Variants in CIMIP5 observed in about 807,000 individuals in gnomAD.
The protein encoded by CIMIP5 is uncharacterized protein C2orf50.
At chr2:11,138,273 G>A in the CIMIP5 span, among the ~76,000 whole-genome samples, 5 of 152,306 alleles carry the variant, frequency 3.3e-5, no homozygotes, top group South Asian at 8.3e-4. Flanking sequence ...AAATAAAATT[G>A]GGAGGAAATG....
chr2:11,152,446 T>C, the CIMIP5 span, among the ~76,000 whole-genome samples: 8 of 152,180 alleles, frequency 5.3e-5, no homozygotes, highest in African/African-American at 1.7e-4. Context: ...CAAGATGGGG[T>C]CAGTTAGGTC....
the CIMIP5 span, among the ~76,000 whole-genome samples, chr2:11,152,385 T>C: frequency 6.6e-6 from 1 of 152,248 alleles, no homozygotes; most frequent in Non-Finnish European, 1.5e-5. Flanking sequence ...CTTCCCAAGG[T>C]TGGTTCAGCC....
At chr2:11,142,286 AAGAT>A in the CIMIP5 span, among the ~76,000 whole-genome samples, 273 of 148,938 alleles carry the variant, frequency 1.8e-3, 2 homozygotes, top group African/African-American at 6.6e-3. Flanking sequence ...AAAAAAAAAA[AAGAT>A]GGTCAAAGAA....
chr2:11,150,340 C>T, the CIMIP5 span, among the ~76,000 whole-genome samples: 3 of 149,790 alleles, frequency 2.0e-5, no homozygotes, highest in East Asian at 4.0e-4. Flanking sequence ...GATTTTTTTT[C>T]TTTTTTTTTT....
the CIMIP5 span, chr2:11,133,269 G>C: frequency 6.7e-7 from 1 of 1,503,504 alleles, no homozygotes; most frequent in Non-Finnish European, 8.8e-7. Flanking sequence ...TTTGAGCTGA[G>C]CTCAGGCACA....
chr2:11,149,795 G>C, the CIMIP5 span, among the ~76,000 whole-genome samples: 2 of 152,152 alleles, frequency 1.3e-5, no homozygotes, highest in African/African-American at 4.8e-5. Flanking sequence ...AAGTGATTCA[G>C]CCCGTGATCC....
At chr2:11,133,163 A>G in the CIMIP5 span, 34 of 719,424 alleles carry the variant, frequency 4.7e-5, no homozygotes, top group Admixed American at 7.8e-5. Context: ...CCCTGTCCCC[A>G]TCGGCCACTC....
At chr2:11,149,969 G>A in the CIMIP5 span, among the ~76,000 whole-genome samples, 1 of 152,070 alleles carries the variant, frequency 6.6e-6, no homozygotes, top group Non-Finnish European at 1.5e-5. Flanking sequence ...TTTTTGAGAC[G>A]GCGTCTCACC....
the CIMIP5 span, among the ~76,000 whole-genome samples, chr2:11,136,983 A>G: frequency 6.6e-6 from 1 of 152,244 alleles, no homozygotes; most frequent in African/African-American, 2.4e-5. Flanking sequence ...CAAGGCCTGG[A>G]AAGCCCAAAG....
chr2:11,147,905 G>A, the CIMIP5 span, among the ~76,000 whole-genome samples: 1,534 of 152,258 alleles, frequency 0.01, 18 homozygotes, highest in Non-Finnish European at 0.017. Context: ...CTTTCAGCTC[G>A]TTTGGGCCAG....
the CIMIP5 span, among the ~76,000 whole-genome samples, chr2:11,143,253 G>A: frequency 3.3e-5 from 5 of 152,100 alleles, no homozygotes; most frequent in African/African-American, 1.2e-4. Context: ...ATGAATGAAC[G>A]GCAGCCACAC....
chr2:11,143,862 A>T, the CIMIP5 span: 1 of 1,423,720 alleles, frequency 7.0e-7, no homozygotes, highest in South Asian at 1.6e-5. Context: ...GTTTTCTCCC[A>T]TTCTAAGGTC....
chr2:11,133,366 G>T, the CIMIP5 span: 3 of 1,610,118 alleles, frequency 1.9e-6, no homozygotes, highest in South Asian at 2.2e-5. Context: ...GGGCTCCAGA[G>T]AACCACATCA....
chr2:11,140,068 CAG>C, the CIMIP5 span, among the ~76,000 whole-genome samples: 2 of 122,332 alleles, frequency 1.6e-5, no homozygotes, highest in Non-Finnish European at 3.2e-5. Context: ...GCCTAGGTGA[CAG>C]AGCGAGACTC....
the CIMIP5 span, chr2:11,146,135 T>A: frequency 6.6e-6 from 1 of 152,194 alleles, no homozygotes; most frequent in African/African-American, 2.4e-5. Flanking sequence ...TGCTCTGTCT[T>A]TGATGCTTGC....
chr2:11,153,276 G>A, the CIMIP5 span, among the ~76,000 whole-genome samples: 2 of 152,320 alleles, frequency 1.3e-5, no homozygotes, highest in South Asian at 2.1e-4. Context: ...TGGGCCAGGA[G>A]CAGCATTTGT....
the CIMIP5 span, among the ~76,000 whole-genome samples, chr2:11,133,920 C>T: frequency 3.3e-5 from 5 of 152,048 alleles, no homozygotes; most frequent in Admixed American, 2.6e-4. Context: ...TGACCTGACT[C>T]GGGGAAAGGA....
chr2:11,144,132 G>A, the CIMIP5 span: 2 of 1,544,812 alleles, frequency 1.3e-6, no homozygotes, highest in Admixed American at 3.8e-5. Context: ...GGCTGGGCTG[G>A]CCTTCCCCAG....
the CIMIP5 span, chr2:11,144,821 C>CTCTCT: frequency 6.8e-6 from 1 of 146,452 alleles, no homozygotes; most frequent in African/African-American, 2.5e-5. Flanking sequence ...CTCTCTCTCT[C>CTCTCT]TTTTTTTTTT....
Sources: gnomAD v4.1 joint callset for allele counts (sites outside exome capture counted in the v4.1 genomes callset) on GRCh38, gnomAD v4.1.1 for gene constraint, MANE v1.5 for transcripts, NCBI Gene and HGNC (gene_info 2026-07-23, HGNC 2026-07-21) for gene names.